The following NIM1K variants were observed in gnomAD, a reference collection of about 807,000 sequenced individuals.
The protein encoded by NIM1K is serine/threonine-protein kinase NIM1.
In NIM1K, 35 loss-of-function variants were observed where a neutral mutation model predicts 37.1. The observed-to-expected ratio is 0.94, with a 90% CI of 0.72 to 1.25. The LOEUF is 1.25. NIM1K is among the 50% of genes most tolerant of loss of function. The pLI, the probability that NIM1K is intolerant of heterozygous loss-of-function variation, is 0.00. For synonymous variants in NIM1K, 234 were observed against 206.6 expected (o/e 1.13, Z -1.14); for missense variants, 564 against 548.0 (o/e 1.03, Z -0.29).
intron 2 of NIM1K, among the ~76,000 whole-genome samples, chr5:43,252,622 T>G (rs1752881900): frequency 6.6e-6 from 1 of 151,970 alleles, no homozygotes; most frequent in Non-Finnish European, 1.5e-5. Flanking sequence ...GCTCTGGATC[T>G]CTACAAAGGA....
intron 3 of NIM1K, among the ~76,000 whole-genome samples, chr5:43,277,815 TGA>T (rs34538655): frequency 0.077 from 9,812 of 128,228 alleles, 454 homozygotes; most frequent in Admixed American, 0.14. Flanking sequence ...TGTGTGTGTG[TGA>T]GAGAGAGAGA....
At chr5:43,229,308 T>C (rs1014169182) in intron 1 of NIM1K, among the ~76,000 whole-genome samples, 7 of 133,670 alleles carry the variant, frequency 5.2e-5, no homozygotes, top group Non-Finnish European at 1.1e-4. Flanking sequence ...TCGCTTGAAC[T>C]GGGAGGTGGA....
chr5:43,269,554 C>G (rs73096612), intron 2 of NIM1K, among the ~76,000 whole-genome samples: 4,877 of 150,896 alleles, frequency 0.032, 291 homozygotes, highest in African/African-American at 0.11. Flanking sequence ...AGGTACGATT[C>G]TCCTCATCAT....
At chr5:43,259,557 T>A (rs1752997505) in intron 2 of NIM1K, among the ~76,000 whole-genome samples, 2 of 152,216 alleles carry the variant, frequency 1.3e-5, no homozygotes, top group Non-Finnish European at 2.9e-5. Context: ...TTTCCATATG[T>A]TTGTTGGCCA....
intron 1 of NIM1K, among the ~76,000 whole-genome samples, chr5:43,238,555 GCCT>G (rs957834956): frequency 6.6e-6 from 1 of 151,700 alleles, no homozygotes; most frequent in African/African-American, 2.4e-5. Context: ...TCATTTTGGA[GCCT>G]TTCCTCAGAT....
At chr5:43,256,962 C>G (rs953612168) in intron 2 of NIM1K, among the ~76,000 whole-genome samples, 3 of 152,292 alleles carry the variant, frequency 2.0e-5, no homozygotes, top group South Asian at 2.1e-4. Flanking sequence ...GAGTCTGGCT[C>G]TGTCCGAACC....
intron 1 of NIM1K, chr5:43,206,847 T>A (rs1752120728): frequency 1.3e-6 from 1 of 767,710 alleles, no homozygotes; most frequent in African/African-American, 1.7e-5. Flanking sequence ...CCATGGCTAT[T>A]TAGCAACATG....
At chr5:43,227,275 G>A (rs890956921) in intron 1 of NIM1K, among the ~76,000 whole-genome samples, 6 of 152,102 alleles carry the variant, frequency 3.9e-5, no homozygotes, top group South Asian at 2.1e-4. Flanking sequence ...CAGGAGAATC[G>A]CTTGAACCTG....
intron 1 of NIM1K, among the ~76,000 whole-genome samples, chr5:43,209,273 AC>A (rs371558594): frequency 7.2e-5 from 11 of 152,280 alleles, no homozygotes; most frequent in African/African-American, 2.6e-4. Context: ...AAGAATGTCT[AC>A]CCGCATTTGA....
chr5:43,199,204 A>AAAAAAAAAT (rs1200134957), intron 1 of NIM1K, among the ~76,000 whole-genome samples: 2 of 94,068 alleles, frequency 2.1e-5, no homozygotes, highest in Non-Finnish European at 4.1e-5. Flanking sequence ...AAAAAAAAAA[A>AAAAAAAAAT]ATATATATAT....
At chr5:43,269,817 A>G (rs1358481337) in intron 2 of NIM1K, among the ~76,000 whole-genome samples, 2 of 151,962 alleles carry the variant, frequency 1.3e-5, no homozygotes, top group Admixed American at 6.5e-5. Context: ...ACGGGGTTTC[A>G]CCATGTTAGC....
intron 2 of NIM1K, among the ~76,000 whole-genome samples, chr5:43,271,630 G>T (rs1355919254): frequency 6.6e-6 from 1 of 152,094 alleles, no homozygotes; most frequent in African/African-American, 2.4e-5. Context: ...TCATAACCTT[G>T]ATATTAATAT....
At chr5:43,229,511 C>T (rs1431946481) in intron 1 of NIM1K, among the ~76,000 whole-genome samples, 1 of 151,946 alleles carries the variant, frequency 6.6e-6, no homozygotes, top group Non-Finnish European at 1.5e-5. Flanking sequence ...TACTTTATAT[C>T]TACCTATCTA....
intron 1 of NIM1K, chr5:43,232,181 G>T: frequency 1.0e-6 from 1 of 979,240 alleles, no homozygotes; most frequent in Admixed American, 1.8e-5. Context: ...GGTGGCAATG[G>T]CAGCATTGAC....
At chr5:43,274,873 T>C (rs1753314845) in intron 2 of NIM1K, among the ~76,000 whole-genome samples, 1 of 152,258 alleles carries the variant, frequency 6.6e-6, no homozygotes, top group South Asian at 2.1e-4. Flanking sequence ...TCAAAGCAGT[T>C]ATTTTGTAAG....
intron 2 of NIM1K, 104 bp downstream of exon 2, chr5:43,246,171 A>G: frequency 1.0e-6 from 1 of 990,410 alleles, no homozygotes; most frequent in Non-Finnish European, 1.5e-6. Flanking sequence ...TGACCTCAGC[A>G]GAGCCCCTGC....
At chr5:43,197,899 T>C (rs188250936) in intron 1 of NIM1K, among the ~76,000 whole-genome samples, 44 of 152,304 alleles carry the variant, frequency 2.9e-4, no homozygotes, top group Admixed American at 1.3e-3. Context: ...TTCCTGGGGG[T>C]AACTTGTACA....
intron 1 of NIM1K, among the ~76,000 whole-genome samples, chr5:43,222,196 C>T (rs983372958): frequency 3.3e-5 from 5 of 152,126 alleles, no homozygotes; most frequent in Admixed American, 2.6e-4. Flanking sequence ...TTGTCAGCTC[C>T]CTTTGTGAAT....
chr5:43,277,357 C>A, intron 3 of NIM1K, 32 bp downstream of exon 3: 1 of 1,598,468 alleles, frequency 6.3e-7, no homozygotes, highest in South Asian at 1.1e-5. Flanking sequence ...GAACCTTGCT[C>A]CCATTGCACT....
Sources: gnomAD v4.1 joint callset for allele counts (sites outside exome capture counted in the v4.1 genomes callset) on GRCh38, gnomAD v4.1.1 for gene constraint, MANE v1.5 for transcripts, NCBI Gene and HGNC (gene_info 2026-07-23, HGNC 2026-07-21) for gene names.